Variants in PRORP observed in about 807,000 individuals in gnomAD.
PRORP encodes mitochondrial ribonuclease P catalytic subunit.
A neutral mutation model predicts 59.4 loss-of-function variants in PRORP; 51 were observed. The observed-to-expected ratio is 0.86, with a 90% CI of 0.69 to 1.08. PRORP has a LOEUF of 1.08. Ranked by LOEUF, PRORP falls within the 50% of genes least tolerant of loss-of-function variation. The pLI is 0.00. For missense variants in PRORP, 646 were observed against 690.3 expected (o/e 0.94, Z 0.72); for synonymous variants, 231 against 245.6 (o/e 0.94, Z 0.55).
chr14:35,122,391 C>T (rs2046941004), upstream of PRORP: 1 of 176,434 alleles, frequency 5.7e-6, no homozygotes, highest in Non-Finnish European at 1.2e-5. Context: ...CTTCCAGGTC[C>T]CCTGAATGTA....
chr14:35,188,961 A>AAAAAAAAAAAAGAAAG (rs1555326788), intron 5 of PRORP, among the ~76,000 whole-genome samples: 4 of 132,764 alleles, frequency 3.0e-5, no homozygotes, highest in African/African-American at 8.5e-5. Context: ...AAAAAAAAAA[A>AAAAAAAAAAAAGAAAG]AAAGTATTGC....
intron 4 of PRORP, among the ~76,000 whole-genome samples, chr14:35,153,270 A>G (rs1423228026): frequency 6.6e-6 from 1 of 152,210 alleles, no homozygotes; most frequent in Admixed American, 6.5e-5. Flanking sequence ...CGCGCCTGCA[A>G]TTGTAGGCAC....
Position 35,254,519 on chromosome 14 carries a change from A to C in PRORP, c.1276-12208A>C, listed in dbSNP as rs903515162. Among the ~76,000 whole-genome samples, 34 of 152,234 alleles carry C rather than the reference A, an allele frequency of 2.2e-4. No individual in the cohort carries two copies. In the South Asian group the frequency reaches 2.5e-3, roughly 11 times the overall value. ...GCGATTCTCCTGCCTCAGCCTCCTG[A>C]GTAGCTGGGATTACAGGCATGCGCC... On this transcript the variant is annotated intron_variant, in intron 5 of 7. Coordinates refer to ENST00000534898, the MANE Select transcript of PRORP (RefSeq NM_014672.4).
chr14:35,205,553 C>T (rs1225969263), intron 5 of PRORP, among the ~76,000 whole-genome samples: 1 of 152,128 alleles, frequency 6.6e-6, no homozygotes, highest in African/African-American at 2.4e-5. Context: ...AACTCCTGGG[C>T]TCAAGCAATC....
At chr14:35,163,299 T>G (rs1297745595) in intron 4 of PRORP, among the ~76,000 whole-genome samples, 1 of 152,168 alleles carries the variant, frequency 6.6e-6, no homozygotes, top group Non-Finnish European at 1.5e-5. Flanking sequence ...AAAAAAATTA[T>G]GTACTCTTGC....
At position 35,172,136 on chromosome 14, in the gene PRORP, C is replaced by T. The variant is rs1157967739; in HGVS notation, c.1168-8534C>T. 2.7e-5 allele frequency among the ~76,000 whole-genome samples: 4 copies of T among 150,556 alleles called. No homozygotes were observed. In the South Asian group the frequency reaches 8.4e-4, roughly 32 times the overall value. On this transcript the variant is annotated intron_variant, in intron 4 of 7. Coordinates refer to ENST00000534898, the MANE Select transcript of PRORP (RefSeq NM_014672.4). ...TAATCTTGGCTCACTGCAACCTTCGCCTCCCAGGTTCAAGTGATTCTCCTG... is the reference window on the plus strand; with the variant it reads ...TAATCTTGGCTCACTGCAACCTTCGTCTCCCAGGTTCAAGTGATTCTCCTG...
At position 35,273,486 on chromosome 14, in the gene PRORP, A is replaced by G. The variant is rs751479450; in HGVS notation, c.1672A>G (p.Ile558Val). The change falls in exon 8 of 8, where the codon ATA (isoleucine) becomes GTA (valine). Residue 558 changes from isoleucine (I) to valine (V), a missense_variant. Physicochemically the swap from Ile to Val is conservative, Grantham distance 29. Transcript: ENST00000534898. ...GCAAACAACTGGAGACTCGTGGCAC[A>G]TACCATATGATGAAGACTTGGTAGA... ...VVQTTGDSWH[I>V]PYDEDLVERC... 2 of 1,613,772 alleles carry G rather than the reference A, an allele frequency of 1.2e-6. No individual in the cohort carries two copies. Among genetic ancestry groups the G allele is most frequent in the Non-Finnish European group, 1.7e-6 (2 of 1,179,838 alleles).
intron 5 of PRORP, among the ~76,000 whole-genome samples, chr14:35,242,149 A>G (rs1423692620): frequency 6.6e-6 from 1 of 152,214 alleles, no homozygotes; most frequent in Admixed American, 6.5e-5. Context: ...CTATGGAATG[A>G]ATTATTTAAA....
At chr14:35,215,114 C>T (rs1340430921) in intron 5 of PRORP, among the ~76,000 whole-genome samples, 1 of 151,910 alleles carries the variant, frequency 6.6e-6, no homozygotes, top group African/African-American at 2.4e-5. Context: ...TCGGTGGTCT[C>T]TTTTCCTGTT....
chr14:35,252,569 C>T (rs2050641516), intron 5 of PRORP, among the ~76,000 whole-genome samples: 1 of 152,188 alleles, frequency 6.6e-6, no homozygotes, highest in Non-Finnish European at 1.5e-5. Flanking sequence ...ACTGCTGCTG[C>T]CTGTAGGTGT....
At chr14:35,167,205 T>C (rs1480105587) in intron 4 of PRORP, among the ~76,000 whole-genome samples, 1 of 152,220 alleles carries the variant, frequency 6.6e-6, no homozygotes, top group African/African-American at 2.4e-5. Context: ...TTTATTAGGA[T>C]AGAAGAAAAC....
intron 5 of PRORP, among the ~76,000 whole-genome samples, chr14:35,250,039 GGA>G (rs1398242682): frequency 6.6e-6 from 1 of 152,066 alleles, no homozygotes; most frequent in East Asian, 1.9e-4. Flanking sequence ...CTTGAGGCCA[GGA>G]GTTCGAGACC....
chr14:35,203,273 A>C (rs751812095), intron 5 of PRORP, among the ~76,000 whole-genome samples: 4 of 152,180 alleles, frequency 2.6e-5, no homozygotes, highest in Non-Finnish European at 4.4e-5. Context: ...TTGGCACTTC[A>C]GCTCAATTGT....
intron 4 of PRORP, among the ~76,000 whole-genome samples, chr14:35,131,702 T>A (rs775689557): frequency 6.6e-6 from 1 of 151,842 alleles, no homozygotes; most frequent in Non-Finnish European, 1.5e-5. Flanking sequence ...CTAATTTTTA[T>A]ATTTTTAGTA....
At chr14:35,148,863 C>T (rs1286805796) in intron 4 of PRORP, among the ~76,000 whole-genome samples, 1 of 151,274 alleles carries the variant, frequency 6.6e-6, no homozygotes, top group Non-Finnish European at 1.5e-5. Context: ...GTTGGTTCCA[C>T]CAGTCTGTGC....
chr14:35,247,053 C>T (rs1022157140), intron 5 of PRORP, among the ~76,000 whole-genome samples: 1 of 152,168 alleles, frequency 6.6e-6, no homozygotes, highest in Non-Finnish European at 1.5e-5. Flanking sequence ...AATGATGAAA[C>T]AGGCTCAGAG....
intron 4 of PRORP, among the ~76,000 whole-genome samples, chr14:35,149,236 A>G (rs184874988): frequency 1.3e-5 from 2 of 151,172 alleles, no homozygotes; most frequent in East Asian, 3.9e-4. Context: ...TTTTTTTAAT[A>G]CAGTGTCTCA....
At chr14:35,233,042 T>G (rs1231327784) in intron 5 of PRORP, among the ~76,000 whole-genome samples, 1 of 152,156 alleles carries the variant, frequency 6.6e-6, no homozygotes, top group African/African-American at 2.4e-5. Context: ...ATTCTCTTAA[T>G]CTCTTTCAGT....
At chr14:35,191,369 A>C (rs2048879779) in intron 5 of PRORP, among the ~76,000 whole-genome samples, 1 of 151,616 alleles carries the variant, frequency 6.6e-6, no homozygotes, top group Non-Finnish European at 1.5e-5. Flanking sequence ...AGTCCATTAA[A>C]CCTCTTTTTC....
Sources: gnomAD v4.1 joint callset for allele counts (sites outside exome capture counted in the v4.1 genomes callset) on GRCh38, gnomAD v4.1.1 for gene constraint, MANE v1.5 for transcripts, NCBI Gene and HGNC (gene_info 2026-07-23, HGNC 2026-07-21) for gene names.